The following SH3PXD2A variants were observed in gnomAD, a reference collection of about 807,000 sequenced individuals.
SH3PXD2A encodes SH3 and PX domain-containing protein 2A.
SH3PXD2A carries 32 observed loss-of-function variants against 115.2 expected under a neutral mutation model. The ratio of observed to expected loss-of-function variants is 0.28; its 90% CI spans 0.21 to 0.37. The LOEUF is 0.37. Among genes scored for constraint, SH3PXD2A ranks in the 10% least tolerant of loss-of-function variants. SH3PXD2A has a pLI of 1.00. For synonymous variants in SH3PXD2A, 610 were observed against 629.1 expected (o/e 0.97, Z 0.45); for missense variants, 1,328 against 1,498.7 (o/e 0.89, Z 1.88).
At chr10:103,747,236 G>A (rs1370703478) in intron 3 of SH3PXD2A, 2 of 152,858 alleles carry the variant, frequency 1.3e-5, no homozygotes, top group African/African-American at 4.8e-5. Context: ...GCTGGGGAGA[G>A]GGGTGGATTC....
chr10:103,721,086 T>G (rs1282313615), intron 5 of SH3PXD2A, among the ~76,000 whole-genome samples: 2 of 152,186 alleles, frequency 1.3e-5, no homozygotes, highest in Non-Finnish European at 2.9e-5. Flanking sequence ...GGCCTGGTGA[T>G]GGAGCGGCCA....
chr10:103,789,910 T>A (rs1275901870), intron 2 of SH3PXD2A, among the ~76,000 whole-genome samples: 1 of 152,198 alleles, frequency 6.6e-6, no homozygotes, highest in Non-Finnish European at 1.5e-5. Context: ...AGCTGGGGTT[T>A]ATTATTCAAC....
chr10:103,653,170 A>G (rs537926222), intron 8 of SH3PXD2A, among the ~76,000 whole-genome samples: 1 of 152,176 alleles, frequency 6.6e-6, no homozygotes, highest in African/African-American at 2.4e-5. Context: ...TCTTCGCAAT[A>G]TTTGAGCCCC....
At chr10:103,681,957 C>G (rs185185634) in intron 6 of SH3PXD2A, among the ~76,000 whole-genome samples, 1 of 152,330 alleles carries the variant, frequency 6.6e-6, no homozygotes, top group Non-Finnish European at 1.5e-5. Flanking sequence ...ACTCCAGACA[C>G]GCTGATTCAG....
chr10:103,657,209 A>C (rs1039569212), intron 8 of SH3PXD2A, among the ~76,000 whole-genome samples: 1 of 152,134 alleles, frequency 6.6e-6, no homozygotes, highest in Non-Finnish European at 1.5e-5. Flanking sequence ...GACTCAGAGA[A>C]GAAAGGTGAG....
chr10:103,644,443 G>A lies in SH3PXD2A; in HGVS notation c.604+16540C>T, dbSNP rs561307915. 7.2e-5 allele frequency among the ~76,000 whole-genome samples: 11 copies of A among 151,972 alleles called. No homozygotes were observed. In the East Asian group the frequency reaches 9.7e-4, roughly 13 times the overall value. Reference sequence around the variant, plus strand: ...AAAAATGTAGTTTAAAAAATTTAGCGGGGCATAGTGGTACGCACCTGTGGT... The same window carrying A: ...AAAAATGTAGTTTAAAAAATTTAGCAGGGCATAGTGGTACGCACCTGTGGT... On this transcript the variant is annotated intron_variant, in intron 8 of 14. Transcript: ENST00000369774.
At chr10:103,693,574 C>T (rs2037788215) in intron 5 of SH3PXD2A, 1 of 152,232 alleles carries the variant, frequency 6.6e-6, no homozygotes, top group Non-Finnish European at 1.5e-5. Flanking sequence ...AATGTCACCT[C>T]CTCAACGTGT....
chr10:103,781,456 C>G (rs751998398), intron 2 of SH3PXD2A, among the ~76,000 whole-genome samples: 3 of 152,180 alleles, frequency 2.0e-5, no homozygotes, highest in Admixed American at 6.5e-5. Flanking sequence ...GCAGAGCCCT[C>G]TAGTGACTTG....
chr10:103,785,737 G>A (rs2038974459), intron 2 of SH3PXD2A, among the ~76,000 whole-genome samples: 1 of 152,042 alleles, frequency 6.6e-6, no homozygotes, highest in African/African-American at 2.4e-5. Flanking sequence ...TCCCCTGCAA[G>A]GGCTTCTGCC....
At chr10:103,827,098 T>C (rs1487226974) in intron 1 of SH3PXD2A, among the ~76,000 whole-genome samples, 3 of 152,096 alleles carry the variant, frequency 2.0e-5, no homozygotes, top group East Asian at 1.9e-4. Context: ...GATGACCACA[T>C]TGAATAAATC....
chr10:103,851,349 G>T (rs896365497), intron 1 of SH3PXD2A, among the ~76,000 whole-genome samples: 1 of 152,090 alleles, frequency 6.6e-6, no homozygotes, highest in Admixed American at 6.5e-5. Context: ...TACTCCTCCT[G>T]CCTCACAGTG....
chr10:103,838,100 TC>T (rs745791954), intron 1 of SH3PXD2A, among the ~76,000 whole-genome samples: 5 of 152,074 alleles, frequency 3.3e-5, no homozygotes, highest in African/African-American at 9.7e-5. Context: ...AGCTAGGAAA[TC>T]CCCTGCTGGC....
At chr10:103,850,246 C>G (rs1842884621) in intron 1 of SH3PXD2A, among the ~76,000 whole-genome samples, 1 of 152,184 alleles carries the variant, frequency 6.6e-6, no homozygotes, top group South Asian at 2.1e-4. Flanking sequence ...TTCCCCTCTG[C>G]CTGCCACCAC....
At chr10:103,722,600 CTT>C (rs35815642) in intron 5 of SH3PXD2A, among the ~76,000 whole-genome samples, 39,238 of 136,646 alleles carry the variant, frequency 0.29, 5,513 homozygotes, top group African/African-American at 0.38. Flanking sequence ...ATATGCCTAG[CTT>C]TTTTTTTTTT....
chr10:103,850,654 C>T (rs1235165895), intron 1 of SH3PXD2A, among the ~76,000 whole-genome samples: 1 of 152,218 alleles, frequency 6.6e-6, no homozygotes, highest in Non-Finnish European at 1.5e-5. Context: ...GCTCCAGGAA[C>T]CCCTCCAGGT....
chr10:103,783,261 C>A (rs552180671), intron 2 of SH3PXD2A, among the ~76,000 whole-genome samples: 1 of 152,164 alleles, frequency 6.6e-6, no homozygotes, highest in East Asian at 1.9e-4. Flanking sequence ...CATGGTCTGC[C>A]AGGATAGGGT....
intron 3 of SH3PXD2A, among the ~76,000 whole-genome samples, chr10:103,752,400 A>G (rs1365576327): frequency 1.3e-5 from 2 of 152,252 alleles, no homozygotes; most frequent in African/African-American, 2.4e-5. Context: ...CCTAGACAGC[A>G]TCAAGTCCAA....
At chr10:103,698,772 G>A (rs949660000) in intron 5 of SH3PXD2A, among the ~76,000 whole-genome samples, 4 of 151,990 alleles carry the variant, frequency 2.6e-5, no homozygotes, top group Admixed American at 1.3e-4. Flanking sequence ...GACAATCCAC[G>A]CTGAGAATTA....
chr10:103,811,095 G>C (rs1196857911), intron 1 of SH3PXD2A, among the ~76,000 whole-genome samples: 1 of 152,188 alleles, frequency 6.6e-6, no homozygotes, highest in South Asian at 2.1e-4. Flanking sequence ...AGGAGCGTCC[G>C]CTGAAAGGAT....
Sources: allele counts gnomAD v4.1 joint callset (sites outside exome capture counted in the v4.1 genomes callset), GRCh38; gene constraint gnomAD v4.1.1; transcripts MANE v1.5; gene names NCBI Gene and HGNC (gene_info 2026-07-23, HGNC 2026-07-21).